The following COX10 variants were observed in gnomAD, a reference collection of about 807,000 sequenced individuals.
COX10 encodes cytochrome c oxidase assembly factor heme A:farnesyltransferase COX10.
A neutral mutation model predicts 37.3 loss-of-function variants in COX10; 27 were observed. The ratio of observed to expected loss-of-function variants is 0.72; its 90% CI spans 0.53 to 1.00. COX10 has a LOEUF of 1.00. Ranked by LOEUF, COX10 falls within the 50% of genes least tolerant of loss-of-function variation. The probability of loss-of-function intolerance (pLI) is 0.00; values close to 1 mark genes in which losing one functional copy is unlikely to be tolerated. For missense variants in COX10, 475 were observed against 563.2 expected (o/e 0.84, Z 1.59); for synonymous variants, 222 against 229.1 (o/e 0.97, Z 0.28).
intron 4 of COX10, among the ~76,000 whole-genome samples, chr17:14,158,581 A>G (rs879521407): frequency 2.6e-5 from 4 of 152,134 alleles, no homozygotes; most frequent in Non-Finnish European, 5.9e-5. Context: ...GTAAGAAATG[A>G]TCCCTGCCAC....
At chr17:14,135,742 A>T (rs944479443) in intron 4 of COX10, among the ~76,000 whole-genome samples, 1 of 151,936 alleles carries the variant, frequency 6.6e-6, no homozygotes, top group Non-Finnish European at 1.5e-5. Flanking sequence ...TACGTAACCT[A>T]TTGGAATTTT....
chr17:14,159,456 A>G (rs1905125900), intron 4 of COX10, among the ~76,000 whole-genome samples: 1 of 152,222 alleles, frequency 6.6e-6, no homozygotes, highest in African/African-American at 2.4e-5. Context: ...TTTCAACCAA[A>G]CACAGACTGC....
Position 14,207,970 on chromosome 17 carries a change from T to C in COX10, c.*757T>C, listed in dbSNP as rs1802618. 24,832 of 152,356 alleles carry C rather than the reference T, an allele frequency of 0.16. 2,313 individuals carry two copies. Among genetic ancestry groups the C allele is most frequent in the East Asian group, 0.4 (2,042 of 5,156 alleles). 9.4% of individuals were successfully genotyped at this position (152,356 alleles called of 1,614,324 possible). ...TCCTTCTAAAAGGGTAGCCCTGGAC[T>C]TAATACCAGCCGGATACCTCTGGCC... On this transcript the variant is annotated 3_prime_UTR_variant, in exon 7 of 7. Transcript: ENST00000261643.
At chr17:14,095,516 C>T (rs1026137878) in intron 3 of COX10, among the ~76,000 whole-genome samples, 3 of 152,118 alleles carry the variant, frequency 2.0e-5, no homozygotes, top group Non-Finnish European at 4.4e-5. Flanking sequence ...AAATGTTACC[C>T]TCATTACAGT....
chr17:14,184,920 G>T (rs2142258516), intron 5 of COX10, among the ~76,000 whole-genome samples: 1 of 149,726 alleles, frequency 6.7e-6, no homozygotes, highest in Admixed American at 6.7e-5. Flanking sequence ...AGGTGATGCT[G>T]ATGGTCCAGG....
intron 3 of COX10, among the ~76,000 whole-genome samples, chr17:14,079,648 T>C (rs142489843): frequency 6.6e-6 from 1 of 152,244 alleles, no homozygotes; most frequent in African/African-American, 2.4e-5. Flanking sequence ...TATTTTAAAA[T>C]TTCCATTAAA....
chr17:14,098,920 A>G (rs1915709648), intron 3 of COX10, among the ~76,000 whole-genome samples: 1 of 152,076 alleles, frequency 6.6e-6, no homozygotes, highest in Non-Finnish European at 1.5e-5. Context: ...GTAGTAGCAT[A>G]TATGGGCCAG....
intron 4 of COX10, among the ~76,000 whole-genome samples, chr17:14,150,505 G>T (rs1042246914): frequency 1.2e-4 from 19 of 152,316 alleles, no homozygotes; most frequent in Non-Finnish European, 1.0e-4. Flanking sequence ...TTGTAGGTTT[G>T]ATTTCAACTG....
intron 5 of COX10, among the ~76,000 whole-genome samples, chr17:14,166,015 A>C (rs78310148): frequency 6.6e-6 from 1 of 152,246 alleles, no homozygotes; most frequent in Non-Finnish European, 1.5e-5. Context: ...GGATTGGTTC[A>C]TGAGGTTTAA....
At chr17:14,206,339 G>A (rs958529202) in intron 6 of COX10, among the ~76,000 whole-genome samples, 9 of 152,080 alleles carry the variant, frequency 5.9e-5, no homozygotes, top group African/African-American at 1.7e-4. Context: ...CCCAGCGGGC[G>A]GAAATGGAGC....
At chr17:14,202,735 C>G (rs1380449582) in intron 6 of COX10, among the ~76,000 whole-genome samples, 1 of 151,078 alleles carries the variant, frequency 6.6e-6, no homozygotes. Flanking sequence ...TCTGCCACCC[C>G]CTCTGTCTCT....
chr17:14,106,382 T>C (rs1162132433), intron 4 of COX10, among the ~76,000 whole-genome samples: 1 of 152,192 alleles, frequency 6.6e-6, no homozygotes, highest in Non-Finnish European at 1.5e-5. Context: ...TTTCTCCTTA[T>C]TCGACATTTT....
At chr17:14,149,637 G>A (rs559223781) in intron 4 of COX10, among the ~76,000 whole-genome samples, 28 of 152,224 alleles carry the variant, frequency 1.8e-4, no homozygotes, top group African/African-American at 6.7e-4. Flanking sequence ...CTAGGAGTGT[G>A]GAAGGCAGGG....
In COX10 at chr17:14,207,249, T is replaced by C. The variant is rs1332474236; in HGVS notation, c.*36T>C. 6.5e-7 allele frequency: 1 copy of C among 1,529,666 alleles called. No homozygotes were observed. The highest frequency in any genetic ancestry group is 8.8e-7 in the Non-Finnish European group (1 of 1,142,462). The allele number at this position is 1,529,666 out of a possible 1,614,324, so 94.8% of individuals were successfully genotyped here. ...ACGCCCACCGCCCCTTTCCCTCCGC[T>C]GCCAGGCGAGCATGTTGTGGTAATT... On this transcript the variant is annotated 3_prime_UTR_variant, in exon 7 of 7. Coordinates refer to ENST00000261643, the MANE Select transcript of COX10 (RefSeq NM_001303.4).
chr17:14,185,025 G>A (rs1905985629), intron 5 of COX10, among the ~76,000 whole-genome samples: 1 of 149,116 alleles, frequency 6.7e-6, no homozygotes, highest in African/African-American at 2.5e-5. Context: ...ACCCAAGAAG[G>A]CCAGCTTAGC....
intron 6 of COX10, among the ~76,000 whole-genome samples, chr17:14,205,704 A>C (rs995869574): frequency 1.3e-5 from 2 of 152,226 alleles, no homozygotes; most frequent in Non-Finnish European, 2.9e-5. Context: ...CCCTGGCCTG[A>C]AAATCAAGCA....
intron 4 of COX10, among the ~76,000 whole-genome samples, chr17:14,122,417 A>T (rs1379516718): frequency 2.0e-5 from 3 of 152,124 alleles, no homozygotes; most frequent in Non-Finnish European, 4.4e-5. Context: ...ATCTTACCAG[A>T]TCCTTGCTTA....
In COX10 at chr17:14,190,220, C is replaced by T. The variant is rs556555534; in HGVS notation, c.696-1769C>T. ...TGGAAATCAGCCCTGGCTAAGCACC[C>T]GCACTGTTAAACCATCCCCTTGAAA... On this transcript the variant is annotated intron_variant, in intron 5 of 6. Coordinates refer to ENST00000261643, the MANE Select transcript of COX10 (RefSeq NM_001303.4). 1.1e-3 allele frequency among the ~76,000 whole-genome samples: 168 copies of T among 152,280 alleles called. 1 individual carries two copies. Among genetic ancestry groups the T allele is most frequent in the African/African-American group, 3.9e-3 (164 of 41,568 alleles).
chr17:14,186,278 G>T (rs1293675153), intron 5 of COX10, among the ~76,000 whole-genome samples: 2 of 151,766 alleles, frequency 1.3e-5, no homozygotes, highest in South Asian at 2.1e-4. Flanking sequence ...CTCTGTATGT[G>T]GCCTTCCTAA....
Sources: allele counts gnomAD v4.1 joint callset (sites outside exome capture counted in the v4.1 genomes callset), GRCh38; gene constraint gnomAD v4.1.1; transcripts MANE v1.5; gene names NCBI Gene and HGNC (gene_info 2026-07-23, HGNC 2026-07-21).